MED27: variants seen among roughly 807,000 people sequenced by gnomAD.
MED27 encodes the protein mediator complex subunit 27.
A neutral mutation model predicts 38.2 loss-of-function variants in MED27; 30 were observed. The ratio of observed to expected loss-of-function variants is 0.79; its 90% CI spans 0.59 to 1.07. The LOEUF is 1.07. Ranked by LOEUF, MED27 falls within the 50% of genes least tolerant of loss-of-function variation. The pLI is 0.00. For synonymous variants in MED27, 122 were observed against 153.5 expected (o/e 0.79, Z 1.52); for missense variants, 289 against 397.5 (o/e 0.73, Z 2.32).
intron 4 of MED27, among the ~76,000 whole-genome samples, chr9:131,927,680 G>A (rs1054835857): frequency 5.3e-5 from 8 of 152,166 alleles, no homozygotes; most frequent in South Asian, 2.1e-4. Flanking sequence ...GATTGGCCCC[G>A]AAGCCCTGGT....
chr9:131,935,514 T>C (rs1830665652), intron 4 of MED27, among the ~76,000 whole-genome samples: 1 of 152,174 alleles, frequency 6.6e-6, no homozygotes, highest in Non-Finnish European at 1.5e-5. Context: ...AGGATGGACA[T>C]TAGACGACAA....
chr9:131,900,379 G>A (rs1157999893), intron 4 of MED27, among the ~76,000 whole-genome samples: 2 of 152,236 alleles, frequency 1.3e-5, no homozygotes, highest in African/African-American at 4.8e-5. Flanking sequence ...GACAGGAAAG[G>A]AAAAGTGGGA....
intron 3 of MED27, among the ~76,000 whole-genome samples, chr9:131,992,834 G>A (rs889929469): frequency 3.3e-5 from 5 of 152,116 alleles, no homozygotes; most frequent in African/African-American, 9.7e-5. Context: ...ATATTCAGCT[G>A]GGACATACTA....
chr9:131,992,461 G>A (rs1234156032), intron 3 of MED27, among the ~76,000 whole-genome samples: 1 of 152,092 alleles, frequency 6.6e-6, no homozygotes, highest in Non-Finnish European at 1.5e-5. Flanking sequence ...GCAGTGGCGT[G>A]ATCACAGCTC....
chr9:131,954,201 A>C (rs1831050669), intron 3 of MED27, among the ~76,000 whole-genome samples: 1 of 152,188 alleles, frequency 6.6e-6, no homozygotes, highest in Admixed American at 6.5e-5. Context: ...TGTTTAGGTA[A>C]GCAGCACCAC....
chr9:131,907,308 C>A (rs936916864), intron 4 of MED27, among the ~76,000 whole-genome samples: 1 of 152,086 alleles, frequency 6.6e-6, no homozygotes, highest in Admixed American at 6.5e-5. Context: ...CAGCTCACTG[C>A]AACCTCCCTG....
intron 5 of MED27, among the ~76,000 whole-genome samples, chr9:131,892,600 AC>A (rs1482742537): frequency 6.6e-6 from 1 of 152,184 alleles, no homozygotes; most frequent in East Asian, 1.9e-4. Flanking sequence ...TATGTTTTGT[AC>A]CAGGAGTGAC....
Position 131,862,255 on chromosome 9 carries a change from G to A in MED27, c.801+808C>T, listed in dbSNP as rs752772055. ...GCCTTGCTAACAGGTCTTTGGAGTC[G>A]GTTCTCTAACCGGCAGACTTTCTAG... On this transcript the variant is annotated intron_variant, in intron 7 of 7. Transcript: ENST00000292035. The surrounding 1 kb of genome is among the most constrained non-coding windows in gnomAD (Gnocchi z 4.6). 4.6e-5 allele frequency among the ~76,000 whole-genome samples: 7 copies of A among 152,182 alleles called. No individual in the cohort carries two copies. The highest frequency in any genetic ancestry group is 1.3e-4 in the Admixed American group (2 of 15,280).
chr9:132,039,482 T>C (rs1398681503), intron 2 of MED27, among the ~76,000 whole-genome samples: 1 of 152,216 alleles, frequency 6.6e-6, no homozygotes, highest in Non-Finnish European at 1.5e-5. Context: ...GTGCCGGCCA[T>C]TGTCATTATG....
chr9:131,942,115 G>A (rs13296319), intron 3 of MED27, among the ~76,000 whole-genome samples: 7,235 of 152,070 alleles, frequency 0.048, 209 homozygotes, highest in Admixed American at 0.07. Context: ...GTGAACCACC[G>A]TGCCCAGCCT....
chr9:131,941,366 T>C (rs1395752124), intron 3 of MED27, among the ~76,000 whole-genome samples: 1 of 152,162 alleles, frequency 6.6e-6, no homozygotes, highest in African/African-American at 2.4e-5. Flanking sequence ...CTGGGGCTCA[T>C]GAAAGATAGC....
chr9:131,907,217 C>T (rs573758445), intron 4 of MED27, among the ~76,000 whole-genome samples: 1 of 151,950 alleles, frequency 6.6e-6, no homozygotes, highest in South Asian at 2.1e-4. Flanking sequence ...CCCTCTCCCT[C>T]TCCCCACGGT....
intron 6 of MED27, chr9:131,869,515 G>T: frequency 1.4e-6 from 1 of 701,742 alleles, no homozygotes; most frequent in Non-Finnish European, 1.8e-6. Context: ...CCTCCCCCTT[G>T]GCGGAGGCCA....
intron 3 of MED27, among the ~76,000 whole-genome samples, chr9:131,981,511 G>A (rs1831734794): frequency 2.0e-5 from 3 of 152,294 alleles, no homozygotes; most frequent in Admixed American, 6.5e-5. Context: ...AATCCTAACT[G>A]AGGCAAGCTG....
intron 3 of MED27, among the ~76,000 whole-genome samples, chr9:131,946,914 T>C (rs1487674794): frequency 1.3e-5 from 2 of 152,224 alleles, no homozygotes; most frequent in African/African-American, 4.8e-5. Context: ...TACCCCATTT[T>C]ATCTCTCATG....
At chr9:132,035,049 G>A (rs777560390) in intron 2 of MED27, among the ~76,000 whole-genome samples, 1 of 152,106 alleles carries the variant, frequency 6.6e-6, no homozygotes, top group Non-Finnish European at 1.5e-5. Context: ...CTTTTGAAAC[G>A]GTAACAATAG....
At chr9:132,042,331 A>C (rs915470939) in intron 2 of MED27, among the ~76,000 whole-genome samples, 5 of 152,200 alleles carry the variant, frequency 3.3e-5, no homozygotes, top group African/African-American at 1.2e-4. Flanking sequence ...ACATTGTATA[A>C]ACTCTTTATG....
chr9:132,067,533 A>C (rs1294102074), intron 2 of MED27, among the ~76,000 whole-genome samples: 2 of 152,198 alleles, frequency 1.3e-5, no homozygotes, highest in Non-Finnish European at 2.9e-5. Flanking sequence ...ACTTCTGTAG[A>C]CTAGAAGTGG....
chr9:131,991,595 T>C (rs180851733), intron 3 of MED27, among the ~76,000 whole-genome samples: 1 of 152,358 alleles, frequency 6.6e-6, no homozygotes, highest in Non-Finnish European at 1.5e-5. Flanking sequence ...ATAAACAATT[T>C]TCAAAATTAA....
Sources: allele counts gnomAD v4.1 joint callset (sites outside exome capture counted in the v4.1 genomes callset), GRCh38; gene constraint gnomAD v4.1.1; non-coding constraint Gnocchi (gnomAD v3.1); transcripts MANE v1.5; gene names NCBI Gene and HGNC (gene_info 2026-07-23, HGNC 2026-07-21).